NR1I2: variants seen among roughly 807,000 people sequenced by gnomAD.
NR1I2 encodes the protein orphan nuclear receptor PAR1.
A neutral mutation model predicts 43.3 loss-of-function variants in NR1I2; 42 were observed. The observed-to-expected ratio is 0.97, with a 90% CI of 0.76 to 1.26. The LOEUF (loss-of-function observed/expected upper bound fraction) is 1.26. Ranked by LOEUF, NR1I2 falls within the 50% of genes most tolerant of loss-of-function variation. NR1I2 has a pLI of 0.00. For missense variants in NR1I2, 559 were observed against 566.7 expected (o/e 0.99, Z 0.14); for synonymous variants, 229 against 215.0 (o/e 1.06, Z -0.57).
At position 119,812,580 on chromosome 3, in the gene NR1I2, C is replaced by T. The variant is rs77952326; in HGVS notation, c.520-106C>T. ...GAATGCCTGCATTTGTGCATCCTCT[C>T]GAGCTGCAACTGTGGCTGTGCATGT... is the stretch of plus-strand genomic sequence containing the variant. On this transcript the variant is annotated intron_variant, in intron 4 of 8. Transcript: ENST00000393716. 2.1e-4 allele frequency: 273 copies of T among 1,304,440 alleles called. 2 individuals carry two copies. The East Asian group carries it at 3.7e-3, about 18-fold the overall frequency. The allele number at this position is 1,304,440 out of a possible 1,614,324, so 80.8% of individuals were successfully genotyped here. A position where few individuals can be genotyped will look rare whatever the true frequency, so the allele number is the denominator to read the frequency against.
At chr3:119,792,412 C>A in intron 1 of NR1I2, 2 of 1,237,740 alleles carry the variant, frequency 1.6e-6, no homozygotes, top group Non-Finnish European at 1.2e-6. Flanking sequence ...AGGGCCAGAA[C>A]TCACTGGCCA....
Position 119,817,711 on chromosome 3 carries a change from C to A in NR1I2, c.*499C>A. 1.8e-6 allele frequency: 2 copies of A among 1,103,286 alleles called. No homozygotes were observed. The highest frequency in any genetic ancestry group is 5.0e-5 in the South Asian group (2 of 39,884). 68.3% of individuals were successfully genotyped at this position (1,103,286 alleles called of 1,614,324 possible). A position where few individuals can be genotyped will look rare whatever the true frequency, so the allele number is the denominator to read the frequency against. On this transcript the variant is annotated 3_prime_UTR_variant, in exon 9 of 9. Transcript: ENST00000393716. ...CCTCTTCCGAGCTGCTTTGTGGGCTCCAGGCCTGTACTCATCGGCAGGCGC... is the reference window on the plus strand; with the variant it reads ...CCTCTTCCGAGCTGCTTTGTGGGCTACAGGCCTGTACTCATCGGCAGGCGC...
At position 119,817,121 on chromosome 3, in the gene NR1I2, C is replaced by T; in HGVS notation, c.1214C>T (p.Ala405Val). The change falls in exon 9 of 9, where the codon GCT becomes GTT. Residue 405 changes from alanine to valine, a missense_variant. Physicochemically the swap from Ala to Val is moderately conservative, Grantham distance 64. This residue lies in a region of NR1I2 where 323 missense variants were observed against 312.2 expected (regional missense o/e 1.03). Coordinates refer to ENST00000393716, the MANE Select transcript of NR1I2 (RefSeq NM_003889.4). ...CTCACCGAGCTCCGCAGCATCAATG[C>T]TCAGCACACCCAGCGGCTGCTGCGC... is the stretch of plus-strand genomic sequence containing the variant. 6.2e-7 allele frequency: 1 copy of T among 1,614,220 alleles called. No homozygotes were observed. Among genetic ancestry groups the T allele is most frequent in the Non-Finnish European group, 8.5e-7 (1 of 1,180,026 alleles).
chr3:119,792,812 A>C (rs1192690097), intron 1 of NR1I2, among the ~76,000 whole-genome samples: 1 of 152,052 alleles, frequency 6.6e-6, no homozygotes, highest in African/African-American at 2.4e-5. Context: ...GAGGCAGAGG[A>C]TATAGTGAGC....
intron 1 of NR1I2, among the ~76,000 whole-genome samples, chr3:119,806,280 C>T (rs2055159406): frequency 6.6e-6 from 1 of 152,026 alleles, no homozygotes; most frequent in African/African-American, 2.4e-5. Context: ...TTGAGTACAG[C>T]TCAATTTTTT....
intron 1 of NR1I2, among the ~76,000 whole-genome samples, chr3:119,805,417 G>T (rs961944059): frequency 6.6e-6 from 1 of 152,054 alleles, no homozygotes; most frequent in Admixed American, 6.6e-5. Context: ...CTGGCCAGAC[G>T]CGGTGGCTCA....
intron 1 of NR1I2, among the ~76,000 whole-genome samples, chr3:119,806,061 G>A (rs1286342096): frequency 6.6e-6 from 1 of 152,186 alleles, no homozygotes; most frequent in African/African-American, 2.4e-5. Context: ...AAATTTATGT[G>A]TTAGAATTTT....
chr3:119,807,445 C>G lies in NR1I2; in HGVS notation c.195C>G (p.Phe65Leu), dbSNP rs370890377. Reference sequence around the variant, plus strand: ...CATGTGAAGGATGCAAGGGCTTTTTCAGGTAGAGTTACCCATCAGCCTTCA... The same window carrying G: ...CATGTGAAGGATGCAAGGGCTTTTTGAGGTAGAGTTACCCATCAGCCTTCA... The change falls in exon 2 of 9, where the codon TTC becomes TTG. Residue 65 changes from phenylalanine to leucine, a missense_variant and splice_region_variant. By Grantham distance (22) the Phe-to-Leu change is conservative. Transcript: ENST00000393716. The G allele has an allele frequency of 5.6e-6, 9 of 1,612,982 alleles. No individual in the cohort carries two copies. The African/African-American group carries it at 1.1e-4, about 19-fold the overall frequency.
intron 1 of NR1I2, among the ~76,000 whole-genome samples, chr3:119,783,625 A>T (rs2054807161): frequency 6.6e-6 from 1 of 152,224 alleles, no homozygotes; most frequent in Admixed American, 6.5e-5. Context: ...TTTTTTAGGT[A>T]ATAACTTTTT....
chr3:119,815,996 A>G (rs985357450), intron 8 of NR1I2, among the ~76,000 whole-genome samples, 165 bp downstream of exon 8: 1 of 152,212 alleles, frequency 6.6e-6, no homozygotes, highest in Admixed American at 6.5e-5. Flanking sequence ...CTTCCCAGGA[A>G]AAACACAAGC....
intron 5 of NR1I2, among the ~76,000 whole-genome samples, chr3:119,813,198 A>G (rs1316142190): frequency 6.6e-6 from 1 of 152,180 alleles, no homozygotes; most frequent in African/African-American, 2.4e-5. Context: ...GCTCAATGGA[A>G]GCTAAAAATG....
intron 1 of NR1I2, among the ~76,000 whole-genome samples, chr3:119,798,570 G>A (rs2055030779): frequency 1.3e-5 from 2 of 150,758 alleles, no homozygotes; most frequent in Admixed American, 6.6e-5. Context: ...AACCCGGGGG[G>A]CGGAGCTTGC....
intron 1 of NR1I2, among the ~76,000 whole-genome samples, chr3:119,793,040 G>GCC (rs1417895157): frequency 6.6e-6 from 1 of 152,050 alleles, no homozygotes; most frequent in Non-Finnish European, 1.5e-5. Flanking sequence ...TGTTTAAAGA[G>GCC]CCCGGCACCT....
chr3:119,800,725 G>A (rs757488464), intron 1 of NR1I2, among the ~76,000 whole-genome samples: 8 of 152,082 alleles, frequency 5.3e-5, no homozygotes, highest in African/African-American at 1.4e-4. Context: ...AAGGTTCCTC[G>A]GTCCATTCTT....
chr3:119,818,085 A>G lies in NR1I2; in HGVS notation c.*873A>G, dbSNP rs1479154585. On this transcript the variant is annotated 3_prime_UTR_variant, in exon 9 of 9. Transcript: ENST00000393716. ...TACCCAAGTGAAGGTTCCCAAGGAC[A>G]TGAGTCTGTAGGAGCAAGGGCACAA... The G allele has an allele frequency of 1.0e-6, 1 of 985,608 alleles. No homozygotes were observed. The highest frequency in any genetic ancestry group is 1.2e-6 in the Non-Finnish European group (1 of 829,996). The allele number at this position is 985,608 out of a possible 1,614,324, so 61.1% of individuals were successfully genotyped here. A position where few individuals can be genotyped will look rare whatever the true frequency, so the allele number is the denominator to read the frequency against.
rs1231961327 is a variant in NR1I2 at position 119,813,027 on chromosome 3, C to T, written c.794+67C>T. The T allele has an allele frequency of 5.8e-6, 9 of 1,541,986 alleles. No homozygotes were observed. The East Asian group carries it at 2.0e-4, about 35-fold the overall frequency. On this transcript the variant is annotated intron_variant, in intron 5 of 8. Coordinates refer to ENST00000393716, the MANE Select transcript of NR1I2 (RefSeq NM_003889.4). ...GGAAGTGGCCAGGAGGTTCAAAGGG[C>T]CTGGGGTAGATCCTGAATTTGGGGG...
intron 1 of NR1I2, among the ~76,000 whole-genome samples, chr3:119,803,302 TG>T (rs1178373570): frequency 2.0e-5 from 3 of 151,008 alleles, no homozygotes; most frequent in African/African-American, 7.3e-5. Flanking sequence ...AACTCCAGCC[TG>T]GGTGGCAGAG....
In NR1I2 at chr3:119,814,964, C is replaced by A; in HGVS notation, c.795-15C>A. ...TCCCAGGGAGCTGTCCTCCCCTCCC[C>A]ATCCTTGCTGCCAGGGACTTGCCCA... On this transcript the variant is annotated splice_polypyrimidine_tract_variant and intron_variant, in intron 5 of 8. Coordinates refer to ENST00000393716, the MANE Select transcript of NR1I2 (RefSeq NM_003889.4). The A allele has an allele frequency of 6.2e-7, 1 of 1,614,046 alleles. No homozygotes were observed. Among genetic ancestry groups the A allele is most frequent in the East Asian group, 2.2e-5 (1 of 44,870 alleles).
chr3:119,794,205 T>TA (rs1336282027), intron 1 of NR1I2, among the ~76,000 whole-genome samples: 1 of 151,444 alleles, frequency 6.6e-6, no homozygotes, highest in Non-Finnish European at 1.5e-5. Context: ...TTTTTTGGGG[T>TA]GTTTTTTTTT....
Sources: allele counts gnomAD v4.1 joint callset (sites outside exome capture counted in the v4.1 genomes callset), GRCh38; gene constraint gnomAD v4.1.1; regional missense constraint gnomAD v4.1.1; transcripts MANE v1.5; gene names NCBI Gene and HGNC (gene_info 2026-07-23, HGNC 2026-07-21).